Variants in ELSPBP1 observed in about 807,000 individuals in gnomAD.
ELSPBP1 encodes the protein epididymal sperm-binding protein 1.
A neutral mutation model predicts 33.3 loss-of-function variants in ELSPBP1; 38 were observed. The ratio of observed to expected loss-of-function variants is 1.14; its 90% CI spans 0.88 to 1.50. The LOEUF (loss-of-function observed/expected upper bound fraction) is 1.50. ELSPBP1 is among the 40% of genes most tolerant of loss of function. The probability of loss-of-function intolerance (pLI) is 0.00; values close to 1 mark genes in which losing one functional copy is unlikely to be tolerated. For synonymous variants in ELSPBP1, 85 were observed against 94.1 expected (o/e 0.90, Z 0.56); for missense variants, 267 against 263.5 (o/e 1.01, Z -0.09).
intron 2 of ELSPBP1, 103 bp downstream of exon 2, chr19:48,008,840 A>G: frequency 1.9e-6 from 2 of 1,037,074 alleles, no homozygotes; most frequent in South Asian, 1.4e-5. Flanking sequence ...TGGCTTAGCA[A>G]AAATCTCAGA....
At chr19:48,014,030 G>A (rs1967104414) in intron 2 of ELSPBP1, 141 bp from the exon 3 acceptor site, 1 of 982,796 alleles carries the variant, frequency 1.0e-6, no homozygotes, top group Admixed American at 2.1e-5. Flanking sequence ...GTGGGGGTTA[G>A]GATTTTAACA....
At chr19:48,000,667 A>G (rs886498478) in intron 1 of ELSPBP1, among the ~76,000 whole-genome samples, 1 of 152,114 alleles carries the variant, frequency 6.6e-6, no homozygotes, top group Non-Finnish European at 1.5e-5. Context: ...CGAAGCCACA[A>G]CCACTTACGT....
intron 2 of ELSPBP1, among the ~76,000 whole-genome samples, chr19:48,013,343 T>C (rs2012516476): frequency 6.6e-6 from 1 of 152,146 alleles, no homozygotes; most frequent in African/African-American, 2.4e-5. Context: ...GACATGTCAT[T>C]AGGAAATTGG....
intron 6 of ELSPBP1, among the ~76,000 whole-genome samples, chr19:48,022,566 A>T (rs1967213507): frequency 6.6e-6 from 1 of 152,060 alleles, no homozygotes; most frequent in Non-Finnish European, 1.5e-5. Flanking sequence ...GACTGGAACA[A>T]CTCCCCAGAT....
At chr19:48,023,391 G>A (rs115709334) in intron 6 of ELSPBP1, among the ~76,000 whole-genome samples, 48,137 of 103,478 alleles carry the variant, frequency 0.47, 11,694 homozygotes, top group East Asian at 0.74. Context: ...GGAGGGAGGA[G>A]GGAGGGAGGA....
chr19:48,019,935 A>G lies in ELSPBP1; in HGVS notation c.514+58A>G, dbSNP rs936811767. On this transcript the variant is annotated intron_variant, in intron 5 of 6. Coordinates refer to ENST00000339841, the MANE Select transcript of ELSPBP1 (RefSeq NM_022142.5). Reference sequence around the variant, plus strand: ...GTGGAGTCTTTCTTTCATTTGCTCAACAAACACCTCCTGAAACCCCACTGT... The same window carrying G: ...GTGGAGTCTTTCTTTCATTTGCTCAGCAAACACCTCCTGAAACCCCACTGT... 3.1e-5 allele frequency: 48 copies of G among 1,564,676 alleles called. 1 individual carries two copies. Among genetic ancestry groups the G allele is most frequent in the Middle Eastern group, 4.0e-4 (2 of 5,006 alleles).
In ELSPBP1 at chr19:48,022,461, G is replaced by A. The variant is rs902620089; in HGVS notation, c.*7+127G>A. ...CGTGTCTGATTAGCGTCGCTGATGT[G>A]AAGGCGAGATCTGTTGCTTTTCCAG... On this transcript the variant is annotated intron_variant, in intron 6 of 6. Transcript: ENST00000339841. 8 of 804,738 alleles carry A rather than the reference G, an allele frequency of 9.9e-6. No individual in the cohort carries two copies. In the African/African-American group the frequency reaches 1.1e-4, roughly 11 times the overall value. The allele number at this position is 804,738 out of a possible 1,614,324, so 49.8% of individuals were successfully genotyped here.
chr19:48,010,247 T>TCA (rs1296316640), intron 2 of ELSPBP1, among the ~76,000 whole-genome samples: 1 of 152,216 alleles, frequency 6.6e-6, no homozygotes, highest in Non-Finnish European at 1.5e-5. Context: ...GTTTAGGAAC[T>TCA]CACAGTTTAT....
chr19:48,004,552 A>G (rs1354946798), intron 1 of ELSPBP1, among the ~76,000 whole-genome samples: 1 of 151,944 alleles, frequency 6.6e-6, no homozygotes, highest in Non-Finnish European at 1.5e-5. Flanking sequence ...GCCTGGATGT[A>G]TCCCCCACCC....
At chr19:48,019,625 A>T in intron 4 of ELSPBP1, 94 bp from the exon 5 acceptor site, 1 of 1,261,670 alleles carries the variant, frequency 7.9e-7, no homozygotes, top group Non-Finnish European at 1.1e-6. Context: ...CGTTGCCTTT[A>T]ATGGGATAAA....
intron 2 of ELSPBP1, among the ~76,000 whole-genome samples, chr19:48,013,606 A>G (rs1967099263): frequency 6.6e-6 from 1 of 152,108 alleles, no homozygotes; most frequent in South Asian, 2.1e-4. Context: ...AATCCCAGCT[A>G]CTTTAGAGGC....
rs953765953 is a variant in ELSPBP1, at chr19:48,022,339, G to A, written c.*7+5G>A. On this transcript the variant is annotated splice_donor_5th_base_variant and intron_variant, in intron 6 of 6. Transcript: ENST00000339841. ...GGGTGTATTGCTGATGCTGAGGTGAGAGCAGGGACCAACAGTGGTCATTTC... is the reference window on the plus strand; with the variant it reads ...GGGTGTATTGCTGATGCTGAGGTGAAAGCAGGGACCAACAGTGGTCATTTC... The A allele has an allele frequency of 1.9e-6, 3 of 1,603,454 alleles. No individual in the cohort carries two copies. The highest frequency in any genetic ancestry group is 1.7e-6 in the Non-Finnish European group (2 of 1,175,530).
chr19:48,016,430 TCCTC>T (rs532208721), intron 4 of ELSPBP1, among the ~76,000 whole-genome samples: 4 of 149,530 alleles, frequency 2.7e-5, no homozygotes, highest in African/African-American at 7.4e-5. Flanking sequence ...CTCCCTCCCT[TCCTC>T]CCTCCCTCCC....
chr19:48,003,289 G>C (rs564058123), intron 1 of ELSPBP1, among the ~76,000 whole-genome samples: 2 of 152,060 alleles, frequency 1.3e-5, no homozygotes, highest in South Asian at 2.1e-4. Context: ...CCAATTCTTC[G>C]AATTTGCACA....
intron 4 of ELSPBP1, 38 bp downstream of exon 4, chr19:48,016,077 G>A: frequency 6.2e-7 from 1 of 1,607,030 alleles, no homozygotes. Context: ...TGTGGTGGGA[G>A]GGAGAGTGGA....
Position 48,022,297 on chromosome 19 carries a change from C to T in ELSPBP1, c.642C>T (p.Tyr214=), listed in dbSNP as rs149319517. The change falls in exon 6 of 7, where the codon TAC becomes TAT. Residue 214 remains tyrosine, a synonymous_variant. Coordinates refer to ENST00000339841, the MANE Select transcript of ELSPBP1 (RefSeq NM_022142.5). ...NLVWCATSYN[Y]DQDHTWVYC ...TGTGGTGTGCAACTTCTTACAACTA[C>T]GACCAAGACCACACCTGGGTGTATT... 1.0e-4 allele frequency: 163 copies of T among 1,612,876 alleles called. No individual in the cohort carries two copies. The highest frequency in any genetic ancestry group is 1.2e-4 in the Non-Finnish European group (147 of 1,179,462).
At chr19:48,023,323 GGGAAAGAAGGAAGGGAGGGAGGAA>G (rs1395152693) in intron 6 of ELSPBP1, among the ~76,000 whole-genome samples, 4 of 123,350 alleles carry the variant, frequency 3.2e-5, no homozygotes, top group South Asian at 2.8e-4. Flanking sequence ...GAAGGAGAGA[GGGAAAGAAGGAAGGGAGGGAGGAA>G]GGAAAGAAGG....
rs59540435 is a variant in ELSPBP1 at position 48,021,917 on chromosome 19, A to C, written c.515-253A>C. Among the ~76,000 whole-genome samples the C allele has an allele frequency of 4.1e-3, 627 of 151,978 alleles. 5 individuals are homozygous for C. The highest frequency in any genetic ancestry group is 0.014 in the African/African-American group (592 of 41,448). The stretch of plus-strand genomic sequence containing the variant: ...ATACACCACACCCAACTAATTAAAA[A>C]AATTTTTTTTGTAGGGACGGGGTTT... On this transcript the variant is annotated intron_variant, in intron 5 of 6. Coordinates refer to ENST00000339841, the MANE Select transcript of ELSPBP1 (RefSeq NM_022142.5).
At chr19:48,014,086 T>G in intron 2 of ELSPBP1, 85 bp from the exon 3 acceptor site, 3 of 1,500,316 alleles carry the variant, frequency 2.0e-6, no homozygotes, top group Non-Finnish European at 2.7e-6. Context: ...GACATTCATA[T>G]TAAAGCAAGA....
Sources: gnomAD v4.1 joint callset for allele counts (sites outside exome capture counted in the v4.1 genomes callset) on GRCh38, gnomAD v4.1.1 for gene constraint, MANE v1.5 for transcripts, NCBI Gene and HGNC (gene_info 2026-07-23, HGNC 2026-07-21) for gene names.